The following RAP1A variants were observed in gnomAD, a reference collection of about 807,000 sequenced individuals.
RAP1A encodes the protein ras-related protein Rap-1A.
A neutral mutation model predicts 26.4 loss-of-function variants in RAP1A; 6 were observed. That is an observed-to-expected ratio of 0.23 (90% CI 0.12 to 0.45). The LOEUF is 0.45. Among genes scored for constraint, RAP1A ranks in the 20% least tolerant of loss-of-function variants. RAP1A has a pLI of 0.99. For synonymous variants in RAP1A, 73 were observed against 79.4 expected (o/e 0.92, Z 0.43); for missense variants, 121 against 217.2 (o/e 0.56, Z 2.78).
intron 1 of RAP1A, among the ~76,000 whole-genome samples, chr1:111,570,312 G>A (rs1438533501): frequency 3.3e-5 from 5 of 152,176 alleles, no homozygotes; most frequent in East Asian, 3.9e-4. Flanking sequence ...GGATTTCAAG[G>A]TCAAACCAAG....
intron 6 of RAP1A, among the ~76,000 whole-genome samples, chr1:111,705,236 T>C (rs1662151175): frequency 6.6e-6 from 1 of 152,174 alleles, no homozygotes; most frequent in South Asian, 2.1e-4. Context: ...TTTAAAAAAA[T>C]AAAAACAACA....
At chr1:111,699,093 A>G (rs1661931786) in intron 4 of RAP1A, among the ~76,000 whole-genome samples, 1 of 152,156 alleles carries the variant, frequency 6.6e-6, no homozygotes, top group African/African-American at 2.4e-5. Context: ...ACGCTGTGTT[A>G]TAAGGCCTAT....
chr1:111,562,145 G>T (rs1262697875), intron 1 of RAP1A, among the ~76,000 whole-genome samples: 2 of 152,114 alleles, frequency 1.3e-5, no homozygotes. Context: ...GTCTTTTCTT[G>T]TGGGCAACGT....
Position 111,714,410 on chromosome 1 carries a change from C to T in RAP1A, c.*2009C>T, listed in dbSNP as rs1662474035. 1 of 152,144 alleles carries T rather than the reference C, an allele frequency of 6.6e-6. No individual in the cohort carries two copies. Among genetic ancestry groups the T allele is most frequent in the Non-Finnish European group, 1.5e-5 (1 of 68,030 alleles). 9.4% of individuals were successfully genotyped at this position (152,144 alleles called of 1,614,324 possible). On this transcript the variant is annotated 3_prime_UTR_variant, in exon 8 of 8. Transcript: ENST00000369709. The stretch of plus-strand genomic sequence containing the variant: ...ACCAGTAAAACTTTCTAAATACTAC[C>T]TTGTCACATCTATTGTGTAGTTATT...
At chr1:111,557,423 G>T (rs1402237286) in intron 1 of RAP1A, among the ~76,000 whole-genome samples, 1 of 151,804 alleles carries the variant, frequency 6.6e-6, no homozygotes, top group Non-Finnish European at 1.5e-5. Flanking sequence ...GGTGGGACCC[G>T]CCTGTAGTCC....
At chr1:111,650,360 T>G (rs570703535) in intron 1 of RAP1A, 2 of 152,306 alleles carry the variant, frequency 1.3e-5, no homozygotes, top group East Asian at 3.9e-4. Context: ...AATATAAAAT[T>G]CAAATTGTTG....
rs951380732 is a variant in RAP1A, at chr1:111,713,080, G to C, written c.*679G>C. On this transcript the variant is annotated 3_prime_UTR_variant, in exon 8 of 8. Coordinates refer to ENST00000369709, the MANE Select transcript of RAP1A (RefSeq NM_002884.4). ...TGTTTTACTGTCAGATTAAATTACA[G>C]CTTTTATGGATGATTAAATTTTAGT... 1.3e-5 allele frequency: 2 copies of C among 152,460 alleles called. No individual in the cohort carries two copies. Among genetic ancestry groups the C allele is most frequent in the Admixed American group, 6.5e-5 (1 of 15,276 alleles). 9.4% of individuals were successfully genotyped at this position (152,460 alleles called of 1,614,324 possible). A position where few individuals can be genotyped will look rare whatever the true frequency, so the allele number is the denominator to read the frequency against.
At chr1:111,658,732 AT>A (rs1374995861) in intron 1 of RAP1A, among the ~76,000 whole-genome samples, 9 of 152,192 alleles carry the variant, frequency 5.9e-5, no homozygotes, top group African/African-American at 2.2e-4. Flanking sequence ...ACCTGGCTGT[AT>A]TCTGTAAATG....
chr1:111,684,742 G>T lies in RAP1A; in HGVS notation c.-27-6592G>T, dbSNP rs531252953. On this transcript the variant is annotated intron_variant, in intron 1 of 7. Transcript: ENST00000369709. ...TTATAGATTCAGTGCTCCCCATAAA[G>T]CTACCATTGAGTTTCTTCACAGAAT... Among the ~76,000 whole-genome samples, 16 of 152,062 alleles carry T rather than the reference G, an allele frequency of 1.1e-4. No homozygotes were observed. The South Asian group carries it at 3.1e-3, about 30-fold the overall frequency.
At chr1:111,697,626 A>G (rs1661876581) in intron 4 of RAP1A, 129 bp downstream of exon 4, 6 of 1,478,856 alleles carry the variant, frequency 4.1e-6, no homozygotes, top group Non-Finnish European at 5.4e-6. Flanking sequence ...TTCTCTGAAC[A>G]TAGGGATTCT....
At chr1:111,707,383 T>G (rs2101303596) in intron 6 of RAP1A, among the ~76,000 whole-genome samples, 1 of 152,340 alleles carries the variant, frequency 6.6e-6, no homozygotes, top group Non-Finnish European at 1.5e-5. Flanking sequence ...ACTCAAATGA[T>G]GTAAGAACAA....
intron 1 of RAP1A, among the ~76,000 whole-genome samples, chr1:111,594,903 T>C (rs1001907590): frequency 1.3e-5 from 2 of 152,224 alleles, no homozygotes; most frequent in African/African-American, 4.8e-5. Context: ...ATATTAGCCA[T>C]AGTTCCAACC....
upstream of RAP1A, among the ~76,000 whole-genome samples, chr1:111,619,616 C>T (rs1432237836): frequency 6.6e-6 from 1 of 152,240 alleles, no homozygotes; most frequent in Non-Finnish European, 1.5e-5. Flanking sequence ...CCCGCCCCTT[C>T]CCGGTAGCTC....
chr1:111,585,883 A>G (rs1057295861), intron 1 of RAP1A, among the ~76,000 whole-genome samples: 5 of 152,246 alleles, frequency 3.3e-5, no homozygotes, highest in African/African-American at 1.2e-4. Flanking sequence ...TACCCTAACT[A>G]TAGCCCTGTG....
At chr1:111,632,915 T>C in intron 1 of RAP1A, among the ~76,000 whole-genome samples, 1 of 99,460 alleles carries the variant, frequency 1.0e-5, no homozygotes, top group African/African-American at 4.2e-5. Context: ...GAGCAAAACT[T>C]GGTCTCAAAA....
chr1:111,563,896 G>C, intron 1 of RAP1A: 1 of 1,613,816 alleles, frequency 6.2e-7, no homozygotes, highest in Non-Finnish European at 8.5e-7. Context: ...GCTCTTCCCA[G>C]GAGCTTTCCC....
intron 1 of RAP1A, among the ~76,000 whole-genome samples, chr1:111,594,653 G>C (rs1441828682): frequency 6.6e-6 from 1 of 151,988 alleles, no homozygotes; most frequent in East Asian, 1.9e-4. Flanking sequence ...CGAGACCAAA[G>C]ACTTGATAAA....
At chr1:111,600,718 G>A (rs1223450859) in intron 1 of RAP1A, among the ~76,000 whole-genome samples, 1 of 152,204 alleles carries the variant, frequency 6.6e-6, no homozygotes, top group African/African-American at 2.4e-5. Context: ...GCCATTTACA[G>A]AGAAGAAACC....
At chr1:111,584,320 C>T (rs540359850) in intron 1 of RAP1A, among the ~76,000 whole-genome samples, 1 of 152,174 alleles carries the variant, frequency 6.6e-6, no homozygotes, top group East Asian at 1.9e-4. Context: ...TAACAAAATA[C>T]GTTACACTGG....
Sources: gnomAD v4.1 joint callset for allele counts (sites outside exome capture counted in the v4.1 genomes callset) on GRCh38, gnomAD v4.1.1 for gene constraint, MANE v1.5 for transcripts, NCBI Gene and HGNC (gene_info 2026-07-23, HGNC 2026-07-21) for gene names.